Variants in LRRC4C observed in about 807,000 individuals in gnomAD.
The protein encoded by LRRC4C is leucine rich repeat containing 4C.
In LRRC4C, 5 loss-of-function variants were observed where a neutral mutation model predicts 33.6. The observed-to-expected ratio is 0.15, with a 90% confidence interval of 0.08 to 0.31. The LOEUF (loss-of-function observed/expected upper bound fraction) is 0.31. Ranked by LOEUF, LRRC4C falls within the 10% of genes least tolerant of loss-of-function variation. LRRC4C has a pLI of 1.00. For missense variants in LRRC4C, 560 were observed against 796.7 expected (o/e 0.70, Z 3.58); for synonymous variants, 329 against 302.0 (o/e 1.09, Z -0.93).
chr11:41,272,306 G>T (rs748036373), intron 1 of LRRC4C, among the ~76,000 whole-genome samples: 6 of 152,072 alleles, frequency 3.9e-5, no homozygotes, highest in Non-Finnish European at 8.8e-5. Flanking sequence ...ACTGGGGTGG[G>T]TGTTTGCTTT....
intron 1 of LRRC4C, among the ~76,000 whole-genome samples, chr11:41,099,557 T>A (rs1306377847): frequency 6.6e-6 from 1 of 152,164 alleles, no homozygotes; most frequent in Non-Finnish European, 1.5e-5. Context: ...TCAATAAATG[T>A]GATTTATCAC....
At chr11:40,342,248 A>G (rs1320981505) in intron 3 of LRRC4C, among the ~76,000 whole-genome samples, 1 of 152,182 alleles carries the variant, frequency 6.6e-6, no homozygotes, top group East Asian at 1.9e-4. Context: ...AGGTGGGTGG[A>G]TCATGAGGTC....
intron 1 of LRRC4C, among the ~76,000 whole-genome samples, chr11:41,313,825 C>A (rs1304199435): frequency 6.6e-6 from 1 of 152,104 alleles, no homozygotes; most frequent in Non-Finnish European, 1.5e-5. Context: ...CAGTGGCCTG[C>A]ATATAAAAGG....
intron 2 of LRRC4C, among the ~76,000 whole-genome samples, chr11:40,807,359 T>C (rs1951298292): frequency 6.6e-6 from 1 of 152,178 alleles, no homozygotes; most frequent in East Asian, 1.9e-4. Context: ...CCCCAGACCC[T>C]GTAATAGTAG....
At chr11:40,562,573 A>G (rs953007990) in intron 3 of LRRC4C, among the ~76,000 whole-genome samples, 1 of 152,194 alleles carries the variant, frequency 6.6e-6, no homozygotes, top group Non-Finnish European at 1.5e-5. Context: ...TCACAAATCT[A>G]GTGAAACTGA....
intron 2 of LRRC4C, among the ~76,000 whole-genome samples, chr11:40,660,804 C>G (rs1943394708): frequency 6.6e-6 from 1 of 152,170 alleles, no homozygotes; most frequent in South Asian, 2.1e-4. Flanking sequence ...AGAATATATT[C>G]TCACCGTGTG....
At chr11:41,059,210 G>GTTTTT (rs397935483) in intron 1 of LRRC4C, among the ~76,000 whole-genome samples, 29 of 125,210 alleles carry the variant, frequency 2.3e-4, no homozygotes, top group East Asian at 7.8e-4. Flanking sequence ...TAAAATAAAA[G>GTTTTT]TTTTTTTTTT....
At chr11:41,416,223 C>T (rs1954674766) in intron 1 of LRRC4C, among the ~76,000 whole-genome samples, 1 of 152,134 alleles carries the variant, frequency 6.6e-6, no homozygotes, top group Admixed American at 6.5e-5. Flanking sequence ...GCAAATAATT[C>T]CATCCACCCC....
intron 1 of LRRC4C, among the ~76,000 whole-genome samples, chr11:41,280,205 C>G (rs1949618164): frequency 6.6e-6 from 1 of 152,154 alleles, no homozygotes; most frequent in Non-Finnish European, 1.5e-5. Context: ...ACAACAGTTT[C>G]TGAGAGCGTT....
At chr11:40,698,628 TG>T (rs1340754490) in intron 2 of LRRC4C, among the ~76,000 whole-genome samples, 6 of 152,190 alleles carry the variant, frequency 3.9e-5, no homozygotes, top group Admixed American at 3.9e-4. Flanking sequence ...AAAAGGAAAT[TG>T]GGTTAAACAA....
intron 3 of LRRC4C, chr11:40,445,624 CCT>C (rs1951597921): frequency 6.5e-6 from 1 of 153,032 alleles, no homozygotes; most frequent in African/African-American, 2.4e-5. Flanking sequence ...TGTGGCGAGG[CCT>C]CTCTTCTCAC....
chr11:41,191,960 T>C (rs181649440), intron 1 of LRRC4C, among the ~76,000 whole-genome samples: 2 of 152,238 alleles, frequency 1.3e-5, no homozygotes, highest in East Asian at 1.9e-4. Flanking sequence ...TTCTGAATGG[T>C]ATTCTCAAGT....
intron 3 of LRRC4C, among the ~76,000 whole-genome samples, chr11:40,604,485 A>T (rs1960356202): frequency 2.0e-5 from 3 of 152,080 alleles, no homozygotes; most frequent in Admixed American, 2.0e-4. Flanking sequence ...AAATTCCTTC[A>T]TGTCTTTACT....
intron 3 of LRRC4C, among the ~76,000 whole-genome samples, chr11:40,541,160 G>A (rs1956693149): frequency 6.6e-6 from 1 of 152,008 alleles, no homozygotes; most frequent in South Asian, 2.1e-4. Flanking sequence ...GGTTAACTTG[G>A]GGGCTAATAT....
chr11:41,371,193 C>G (rs1242592220), intron 1 of LRRC4C, among the ~76,000 whole-genome samples: 3 of 152,168 alleles, frequency 2.0e-5, no homozygotes, highest in Admixed American at 6.5e-5. Flanking sequence ...ATCATATTAA[C>G]AGTCACTCTT....
At position 40,114,850 on chromosome 11, in the gene LRRC4C, C is replaced by T. The variant is rs538453413; in HGVS notation, c.1443G>A (p.Val481=). Residue 481 remains valine, a synonymous_variant, in exon 7 of 7, where the codon GTG becomes GTA. Coordinates refer to ENST00000528697, the MANE Select transcript of LRRC4C (RefSeq NM_001258419.2). ...TCACATTGGTGGTCTCCCAGTCGAC[C>T]ACTGGAGTGGGACCCACATTGTTAT... ...TTDNNVGPTP[V]VDWETTNVTT... is the part of the protein sequence containing the mutation. 2 of 1,614,142 alleles carry T rather than the reference C, an allele frequency of 1.2e-6. No individual in the cohort carries two copies. The highest frequency in any genetic ancestry group is 1.1e-5 in the South Asian group (1 of 91,080).
chr11:40,940,957 T>C (rs1415566584), intron 1 of LRRC4C, among the ~76,000 whole-genome samples: 1 of 149,932 alleles, frequency 6.7e-6, no homozygotes, highest in Non-Finnish European at 1.5e-5. Flanking sequence ...CTAGTTCTGA[T>C]GGCACAAGAA....
At chr11:41,292,252 G>T (rs1391122435) in intron 1 of LRRC4C, among the ~76,000 whole-genome samples, 1 of 152,036 alleles carries the variant, frequency 6.6e-6, no homozygotes, top group Non-Finnish European at 1.5e-5. Context: ...AGAAGTTCGA[G>T]CCTAATTATG....
intron 3 of LRRC4C, among the ~76,000 whole-genome samples, chr11:40,444,769 T>C (rs1397380749): frequency 6.6e-6 from 1 of 152,212 alleles, no homozygotes. Context: ...TGAATTTTGT[T>C]ATATACAAGG....
Sources: gnomAD v4.1 joint callset for allele counts (sites outside exome capture counted in the v4.1 genomes callset) on GRCh38, gnomAD v4.1.1 for gene constraint, MANE v1.5 for transcripts, NCBI Gene and HGNC (gene_info 2026-07-23, HGNC 2026-07-21) for gene names.